The following SBF2 variants were observed in gnomAD, a reference collection of about 807,000 sequenced individuals.
SBF2 encodes the protein myotubularin-related protein 13.
A neutral mutation model predicts 225.2 loss-of-function variants in SBF2; 112 were observed. The observed-to-expected ratio is 0.50, with a 90% confidence interval of 0.43 to 0.58. The LOEUF is 0.58. SBF2 is among the 20% of genes least tolerant of loss of function. SBF2 has a pLI of 0.00. For synonymous variants in SBF2, 763 were observed against 773.3 expected, an observed-to-expected ratio of 0.99 and a Z score of 0.22; for missense variants, 1,996 against 2,206.2, an observed-to-expected ratio of 0.90 and a Z score of 1.91.
At chr11:9,834,741 A>C (rs1369685901) in intron 26 of SBF2, among the ~76,000 whole-genome samples, 1 of 152,206 alleles carries the variant, frequency 6.6e-6, no homozygotes, top group Non-Finnish European at 1.5e-5. Context: ...CTCTATCTCC[A>C]CTTGAATATC....
intron 16 of SBF2, chr11:9,956,793 AT>A (rs1866202247): frequency 6.6e-6 from 1 of 152,174 alleles, no homozygotes; most frequent in South Asian, 2.1e-4. Context: ...TTTGTTTCTT[AT>A]TACAAAAGAA....
At chr11:9,818,406 C>A (rs941059677) in intron 28 of SBF2, among the ~76,000 whole-genome samples, 1 of 152,196 alleles carries the variant, frequency 6.6e-6, no homozygotes, top group Non-Finnish European at 1.5e-5. Context: ...TGTACTAATT[C>A]TCAAATTTGA....
intron 2 of SBF2, among the ~76,000 whole-genome samples, chr11:10,156,057 G>A (rs537343971): frequency 6.6e-6 from 1 of 152,274 alleles, no homozygotes; most frequent in South Asian, 2.1e-4. Context: ...TCTGGACCCG[G>A]GCATCCCTGC....
At chr11:10,061,007 A>C (rs1950424640) in intron 2 of SBF2, among the ~76,000 whole-genome samples, 1 of 152,118 alleles carries the variant, frequency 6.6e-6, no homozygotes, top group Admixed American at 6.6e-5. Flanking sequence ...CAGCCTGAGC[A>C]ACAGAGCGAG....
chr11:10,076,665 C>A (rs1951127240), intron 2 of SBF2, among the ~76,000 whole-genome samples: 1 of 152,234 alleles, frequency 6.6e-6, no homozygotes, highest in South Asian at 2.1e-4. Context: ...GGGAGGGAGC[C>A]CTGCCAGGCT....
chr11:9,971,727 G>C (rs1200168995), intron 13 of SBF2, among the ~76,000 whole-genome samples: 2 of 152,088 alleles, frequency 1.3e-5, no homozygotes, highest in African/African-American at 4.8e-5. Flanking sequence ...ATCACTTCTA[G>C]TCAAAATCTC....
chr11:10,156,197 T>A (rs1955469133), intron 2 of SBF2, among the ~76,000 whole-genome samples: 1 of 152,232 alleles, frequency 6.6e-6, no homozygotes, highest in Admixed American at 6.5e-5. Context: ...GCCTGGATGC[T>A]GTCGCCACCT....
chr11:9,879,565 G>C (rs1222783339), intron 17 of SBF2, among the ~76,000 whole-genome samples: 4 of 152,172 alleles, frequency 2.6e-5, no homozygotes, highest in Non-Finnish European at 4.4e-5. Flanking sequence ...GGTGAGCATA[G>C]GGACTGTGTC....
chr11:10,245,081 C>G (rs554265341), intron 1 of SBF2, among the ~76,000 whole-genome samples: 2 of 146,928 alleles, frequency 1.4e-5, no homozygotes, highest in South Asian at 4.3e-4. Context: ...CCACAGTGAG[C>G]CGAGATCACA....
chr11:10,216,163 G>A (rs527754678), intron 1 of SBF2, among the ~76,000 whole-genome samples: 2 of 152,262 alleles, frequency 1.3e-5, no homozygotes, highest in South Asian at 4.1e-4. Flanking sequence ...CCTTAAGGGA[G>A]GAAATGCAAA....
intron 31 of SBF2, 169 bp downstream of exon 31, chr11:9,808,732 A>G: frequency 1.8e-6 from 1 of 564,766 alleles, no homozygotes; most frequent in South Asian, 2.0e-5. Flanking sequence ...GTAGGGGCTA[A>G]GAGCTCATGG....
chr11:10,128,905 C>T (rs1953889983), intron 2 of SBF2, among the ~76,000 whole-genome samples: 1 of 152,068 alleles, frequency 6.6e-6, no homozygotes, highest in Non-Finnish European at 1.5e-5. Context: ...TCTTTTCTTA[C>T]CTAGTTCTAT....
Position 10,001,355 on chromosome 11 carries a change from T to C in SBF2, c.753-333A>G, listed in dbSNP as rs574226051. 3.8e-3 allele frequency among the ~76,000 whole-genome samples: 576 copies of C among 152,170 alleles called. 4 individuals carry two copies. The highest frequency in any genetic ancestry group is 5.4e-3 in the South Asian group (26 of 4,816). On this transcript the variant is annotated intron_variant, in intron 7 of 39. Transcript: ENST00000256190. ...CGACATTAGACAGTAACACTGACTC[T>C]CTGATAGGGCCTCCCCTCTCAGTAT...
chr11:9,855,500 C>T (rs7115754), intron 19 of SBF2, among the ~76,000 whole-genome samples: 59,206 of 152,008 alleles, frequency 0.39, 13,933 homozygotes, highest in Non-Finnish European at 0.53. Flanking sequence ...CAGGATGTTG[C>T]GGCACCCATC....
chr11:9,864,524 C>T lies in SBF2; in HGVS notation c.1930-6128G>A, dbSNP rs377439910. Among the ~76,000 whole-genome samples, 7 of 152,094 alleles carry T rather than the reference C, an allele frequency of 4.6e-5. No individual in the cohort carries two copies. The South Asian group carries it at 1.5e-3, about 32-fold the overall frequency. ...GCCTCAGCCTCCTGTGTAACTGGGA[C>T]CACAGGCACACACCACCATGCCTGG... On this transcript the variant is annotated intron_variant, in intron 17 of 39. Coordinates refer to ENST00000256190, the MANE Select transcript of SBF2 (RefSeq NM_030962.4).
intron 1 of SBF2, among the ~76,000 whole-genome samples, chr11:10,302,218 G>A: frequency 6.6e-6 from 1 of 152,194 alleles, no homozygotes; most frequent in South Asian, 2.1e-4. Flanking sequence ...TGTCGTTAAC[G>A]ATGATTAATT....
At chr11:10,168,990 A>G (rs1285511979) in intron 2 of SBF2, among the ~76,000 whole-genome samples, 2 of 152,190 alleles carry the variant, frequency 1.3e-5, no homozygotes, top group Non-Finnish European at 2.9e-5. Flanking sequence ...TCTTTTGAAG[A>G]GCATTTAATT....
intron 1 of SBF2, among the ~76,000 whole-genome samples, chr11:10,206,173 G>C (rs1013736495): frequency 1.3e-5 from 2 of 151,208 alleles, no homozygotes; most frequent in Non-Finnish European, 3.0e-5. Context: ...CCCCCACCAA[G>C]AGACATCAAA....
intron 22 of SBF2, among the ~76,000 whole-genome samples, chr11:9,848,016 A>G (rs1307466404): frequency 2.0e-5 from 3 of 151,132 alleles, no homozygotes; most frequent in Non-Finnish European, 1.5e-5. Context: ...GGAAAGGAAG[A>G]GCATTTTAGG....
Sources: gnomAD v4.1 joint callset for allele counts (sites outside exome capture counted in the v4.1 genomes callset) on GRCh38, gnomAD v4.1.1 for gene constraint, MANE v1.5 for transcripts, NCBI Gene and HGNC (gene_info 2026-07-23, HGNC 2026-07-21) for gene names.